Variants in SLC9C2 observed in about 807,000 individuals in gnomAD.
SLC9C2 encodes the protein solute carrier family 9 member C2 (putative), also known as sodium/hydrogen exchanger 11.
In SLC9C2, 75 loss-of-function variants were observed where a neutral mutation model predicts 140.2. The observed-to-expected ratio is 0.53, with a 90% CI of 0.44 to 0.65. The LOEUF (loss-of-function observed/expected upper bound fraction) is 0.65. Among genes scored for constraint, SLC9C2 ranks in the 30% least tolerant of loss-of-function variants. The probability of loss-of-function intolerance (pLI) is 0.00; values close to 1 mark genes in which losing one functional copy is unlikely to be tolerated. For missense variants in SLC9C2, 1,074 were observed against 1,331.8 expected (o/e 0.81, Z 3.01); for synonymous variants, 375 against 420.9 (o/e 0.89, Z 1.34).
intron 13 of SLC9C2, among the ~76,000 whole-genome samples, chr1:173,545,472 A>G (rs1662777626): frequency 6.6e-6 from 1 of 152,168 alleles, no homozygotes; most frequent in Non-Finnish European, 1.5e-5. Flanking sequence ...GTAATTTCTC[A>G]GGCCATCCCA....
At chr1:173,592,062 T>C (rs536588389) in intron 4 of SLC9C2, among the ~76,000 whole-genome samples, 6 of 152,268 alleles carry the variant, frequency 3.9e-5, no homozygotes, top group East Asian at 3.9e-4. Context: ...AAGAAAGGGG[T>C]CCAATTTCAA....
rs1459485336 is a variant in SLC9C2, at chr1:173,583,626, A to G, written c.524-4T>C. 6.9e-7 allele frequency: 1 copy of G among 1,442,784 alleles called. No individual in the cohort carries two copies. 89.4% of individuals were successfully genotyped at this position (1,442,784 alleles called of 1,614,324 possible). A position where few individuals can be genotyped will look rare whatever the true frequency, so the allele number is the denominator to read the frequency against. On this transcript the variant is annotated splice_region_variant and splice_polypyrimidine_tract_variant and intron_variant, in intron 5 of 27. Coordinates refer to ENST00000367714, the MANE Select transcript of SLC9C2 (RefSeq NM_178527.4). The stretch of plus-strand genomic sequence containing the variant: ...TCAATGTATATTTTAGAAATGCCTG[A>G]AAAAGGAAATACAAAATGTAACTCA...
At chr1:173,510,654 A>C (rs1020908175) in intron 23 of SLC9C2, among the ~76,000 whole-genome samples, 2 of 152,164 alleles carry the variant, frequency 1.3e-5, no homozygotes, top group African/African-American at 2.4e-5. Context: ...GTCCCTGCAA[A>C]GGACATGTTC....
intron 4 of SLC9C2, among the ~76,000 whole-genome samples, chr1:173,590,689 C>T (rs1439132095): frequency 6.6e-6 from 1 of 152,074 alleles, no homozygotes; most frequent in Non-Finnish European, 1.5e-5. Flanking sequence ...CACTGTGATA[C>T]TGTATGTTCT....
At chr1:173,545,182 T>G (rs550019822) in intron 13 of SLC9C2, among the ~76,000 whole-genome samples, 2 of 152,292 alleles carry the variant, frequency 1.3e-5, no homozygotes, top group South Asian at 4.1e-4. Flanking sequence ...CTGCATTGTC[T>G]GATACAGTCA....
chr1:173,511,315 C>A (rs1660041455), intron 23 of SLC9C2, among the ~76,000 whole-genome samples: 1 of 152,092 alleles, frequency 6.6e-6, no homozygotes, highest in African/African-American at 2.4e-5. Flanking sequence ...CAGGCATGAG[C>A]CACCGTGCCT....
At chr1:173,535,728 T>G in intron 15 of SLC9C2, 102 bp downstream of exon 15, 3 of 1,314,374 alleles carry the variant, frequency 2.3e-6, no homozygotes, top group Non-Finnish European at 3.0e-6. Context: ...TAAACCATAA[T>G]ATAGTTTTTC....
chr1:173,518,095 C>T (rs1408111590), intron 22 of SLC9C2, among the ~76,000 whole-genome samples: 1 of 151,760 alleles, frequency 6.6e-6, no homozygotes, highest in African/African-American at 2.4e-5. Flanking sequence ...CCCGTCTCTG[C>T]TAAAAAAAAA....
chr1:173,579,394 A>G (rs1665383766), intron 7 of SLC9C2, among the ~76,000 whole-genome samples: 1 of 152,188 alleles, frequency 6.6e-6, no homozygotes. Flanking sequence ...ATTGACAAGC[A>G]CTGCAAATCG....
intron 23 of SLC9C2, among the ~76,000 whole-genome samples, chr1:173,514,906 T>TA (rs1660311144): frequency 6.6e-6 from 1 of 152,142 alleles, no homozygotes; most frequent in African/African-American, 2.4e-5. Flanking sequence ...CTCCTTTTTT[T>TA]ATGGAGCTTA....
chr1:173,560,372 C>T (rs1664026629), intron 9 of SLC9C2, among the ~76,000 whole-genome samples: 1 of 152,236 alleles, frequency 6.6e-6, no homozygotes, highest in Non-Finnish European at 1.5e-5. Context: ...CTGCCTCTCA[C>T]TGCACATTGC....
At chr1:173,587,864 A>G in intron 4 of SLC9C2, 34 bp from the exon 5 acceptor site, 6 of 1,526,778 alleles carry the variant, frequency 3.9e-6, no homozygotes, top group South Asian at 1.2e-5. Flanking sequence ...TATTAGACTT[A>G]ACATCTAAAG....
intron 23 of SLC9C2, among the ~76,000 whole-genome samples, chr1:173,514,499 A>G (rs896886126): frequency 2.0e-5 from 3 of 150,902 alleles, no homozygotes; most frequent in Non-Finnish European, 3.0e-5. Context: ...TTTGTTTTCC[A>G]TTTGCTTGGT....
chr1:173,562,283 G>A (rs971478879), intron 9 of SLC9C2, among the ~76,000 whole-genome samples: 2 of 152,086 alleles, frequency 1.3e-5, no homozygotes, highest in African/African-American at 2.4e-5. Flanking sequence ...TCATCAAAGC[G>A]AAATCCTGAG....
intron 23 of SLC9C2, 123 bp from the exon 24 acceptor site, chr1:173,509,822 T>G: frequency 1.1e-6 from 1 of 945,826 alleles, no homozygotes; most frequent in Non-Finnish European, 1.6e-6. Context: ...ATAATTATGA[T>G]ACTCTTGTCA....
intron 4 of SLC9C2, chr1:173,596,406 T>C (rs150801168): frequency 6.6e-6 from 1 of 152,274 alleles, no homozygotes; most frequent in East Asian, 1.9e-4. Flanking sequence ...TGTATGCAAG[T>C]TTCATTGTCT....
At chr1:173,598,850 T>C (rs1188146912) in intron 3 of SLC9C2, among the ~76,000 whole-genome samples, 1 of 152,204 alleles carries the variant, frequency 6.6e-6, no homozygotes, top group Non-Finnish European at 1.5e-5. Context: ...TTCAGAAGAT[T>C]AGGAAGAAGC....
At position 173,577,454 on chromosome 1, in the gene SLC9C2, A is replaced by G. The variant is rs554808463; in HGVS notation, c.803-694T>C. ...TTAATAGTCTGAGGCAGGAAAACCAACCTGAAGGATATTTGAATACCATAA... is the reference window on the plus strand; with the variant it reads ...TTAATAGTCTGAGGCAGGAAAACCAGCCTGAAGGATATTTGAATACCATAA... On this transcript the variant is annotated intron_variant, in intron 7 of 27. Transcript: ENST00000367714. Among the ~76,000 whole-genome samples, 4 of 152,308 alleles carry G rather than the reference A, an allele frequency of 2.6e-5. No homozygotes were observed. The South Asian group carries it at 8.3e-4, about 32-fold the overall frequency.
chr1:173,552,770 G>C (rs549247333), intron 11 of SLC9C2, among the ~76,000 whole-genome samples: 1 of 152,294 alleles, frequency 6.6e-6, no homozygotes, highest in Non-Finnish European at 1.5e-5. Flanking sequence ...GATGGACAAG[G>C]AGTTGAATGT....
Sources: allele counts gnomAD v4.1 joint callset (sites outside exome capture counted in the v4.1 genomes callset), GRCh38; gene constraint gnomAD v4.1.1; transcripts MANE v1.5; gene names NCBI Gene and HGNC (gene_info 2026-07-23, HGNC 2026-07-21).